Variants in GKAP1 observed in about 807,000 individuals in gnomAD.
GKAP1 encodes the protein G kinase-anchoring protein 1.
Under a neutral mutation model 56.7 loss-of-function variants are expected in GKAP1, and 31 were observed. The observed-to-expected ratio is 0.55, with a 90% CI of 0.41 to 0.74. The LOEUF (loss-of-function observed/expected upper bound fraction) is 0.74. Ranked by LOEUF, GKAP1 falls within the 30% of genes least tolerant of loss-of-function variation. The pLI is 0.00. For missense variants in GKAP1, 364 were observed against 402.3 expected (o/e 0.90, Z 0.82); for synonymous variants, 151 against 138.6 (o/e 1.09, Z -0.63).
intron 2 of GKAP1, among the ~76,000 whole-genome samples, chr9:83,814,243 C>T (rs1944552121): frequency 6.6e-6 from 1 of 152,192 alleles, no homozygotes; most frequent in South Asian, 2.1e-4. Flanking sequence ...TAGCAACCCT[C>T]TTTCTTCAGA....
intron 4 of GKAP1, among the ~76,000 whole-genome samples, chr9:83,796,369 C>T (rs376515250): frequency 1.3e-5 from 2 of 152,344 alleles, no homozygotes; most frequent in East Asian, 1.9e-4. Context: ...TTTTCCTTCA[C>T]AGAATTGGCT....
intron 4 of GKAP1, chr9:83,792,929 C>T (rs1564208228): frequency 1.0e-6 from 1 of 999,664 alleles, no homozygotes; most frequent in Non-Finnish European, 1.3e-6. Flanking sequence ...AAAATGCCTA[C>T]AGAATTCAAG....
At chr9:83,742,096 T>C in intron 11 of GKAP1, 67 bp from the exon 12 acceptor site, 2 of 908,338 alleles carry the variant, frequency 2.2e-6, no homozygotes, top group Non-Finnish European at 1.7e-6. Context: ...ATTCTTAACA[T>C]ATTCACAATG....
intron 6 of GKAP1, among the ~76,000 whole-genome samples, chr9:83,780,639 TA>T (rs1943955939): frequency 6.6e-6 from 1 of 152,190 alleles, no homozygotes; most frequent in Non-Finnish European, 1.5e-5. Flanking sequence ...CTTATCCTAG[TA>T]AATCCCACCC....
At chr9:83,783,146 T>C (rs1944005333) in intron 6 of GKAP1, among the ~76,000 whole-genome samples, 2 of 152,336 alleles carry the variant, frequency 1.3e-5, no homozygotes, top group Admixed American at 1.3e-4. Flanking sequence ...ATTTGGGTTT[T>C]TTTCTTTTTG....
chr9:83,744,449 C>G (rs533855050), intron 10 of GKAP1, among the ~76,000 whole-genome samples: 3 of 152,292 alleles, frequency 2.0e-5, no homozygotes, highest in African/African-American at 7.2e-5. Flanking sequence ...TTCCACCATG[C>G]AGCAGTAACA....
chr9:83,816,130 T>G (rs573578774), intron 2 of GKAP1, among the ~76,000 whole-genome samples: 2 of 150,830 alleles, frequency 1.3e-5, no homozygotes, highest in East Asian at 3.9e-4. Flanking sequence ...CAGAAGGTGC[T>G]GTGAGCCGAG....
At chr9:83,765,842 G>C (rs972827660) in intron 8 of GKAP1, among the ~76,000 whole-genome samples, 1 of 152,190 alleles carries the variant, frequency 6.6e-6, no homozygotes, top group Admixed American at 6.5e-5. Flanking sequence ...TGACTTTATA[G>C]GCTCAGAGGC....
intron 8 of GKAP1, among the ~76,000 whole-genome samples, chr9:83,765,410 G>A (rs1039766521): frequency 1.3e-5 from 2 of 152,208 alleles, no homozygotes; most frequent in Non-Finnish European, 2.9e-5. Flanking sequence ...GAAATGTGGG[G>A]TCAAGAGCCC....
intron 8 of GKAP1, among the ~76,000 whole-genome samples, chr9:83,755,550 T>C (rs1337422495): frequency 2.6e-5 from 4 of 152,052 alleles, no homozygotes; most frequent in Admixed American, 6.6e-5. Flanking sequence ...TTTAGAAATC[T>C]TGATGAATAT....
chr9:83,753,240 C>T lies in GKAP1; in HGVS notation c.840+18G>A. Reference sequence around the variant, plus strand: ...TTTATAGAATTATTTTCTTTAACAACAGTAAATGGACACAAACCTCCCATT... The same window carrying T: ...TTTATAGAATTATTTTCTTTAACAATAGTAAATGGACACAAACCTCCCATT... On this transcript the variant is annotated intron_variant, in intron 9 of 12. Coordinates refer to ENST00000376371, the MANE Select transcript of GKAP1 (RefSeq NM_025211.4). 7.1e-7 allele frequency: 1 copy of T among 1,404,294 alleles called. No homozygotes were observed. Among genetic ancestry groups the T allele is most frequent in the Admixed American group, 1.9e-5 (1 of 52,958 alleles). 87.0% of individuals were successfully genotyped at this position (1,404,294 alleles called of 1,614,324 possible). A position where few individuals can be genotyped will look rare whatever the true frequency, so the allele number is the denominator to read the frequency against.
intron 2 of GKAP1, among the ~76,000 whole-genome samples, chr9:83,812,412 A>G (rs997053921): frequency 1.3e-5 from 2 of 150,234 alleles, no homozygotes; most frequent in African/African-American, 4.9e-5. Context: ...CAGTGGTGTG[A>G]TCACGGCTCA....
In GKAP1 at chr9:83,739,595, A is replaced by T. The variant is rs537174819; in HGVS notation, c.*102T>A. ...GAGCTAGTTGCTTTTAGTTCCTTCAAGAAAAACTGCATAGTTTAGCAGTTG... is the reference window on the plus strand; with the variant it reads ...GAGCTAGTTGCTTTTAGTTCCTTCATGAAAAACTGCATAGTTTAGCAGTTG... On this transcript the variant is annotated 3_prime_UTR_variant, in exon 13 of 13. Coordinates refer to ENST00000376371, the MANE Select transcript of GKAP1 (RefSeq NM_025211.4). 7 of 836,226 alleles carry T rather than the reference A, an allele frequency of 8.4e-6. No individual in the cohort carries two copies. The East Asian group carries it at 1.8e-4, about 21-fold the overall frequency. 51.8% of individuals were successfully genotyped at this position (836,226 alleles called of 1,614,324 possible). A position where few individuals can be genotyped will look rare whatever the true frequency, so the allele number is the denominator to read the frequency against.
At chr9:83,759,888 T>A (rs749543984) in intron 8 of GKAP1, among the ~76,000 whole-genome samples, 23 of 152,192 alleles carry the variant, frequency 1.5e-4, no homozygotes, top group Non-Finnish European at 2.9e-4. Flanking sequence ...CAAAAAGTCT[T>A]TAACGTCTGC....
At chr9:83,790,478 C>T (rs967176123) in intron 4 of GKAP1, among the ~76,000 whole-genome samples, 3 of 152,034 alleles carry the variant, frequency 2.0e-5, no homozygotes, top group Non-Finnish European at 2.9e-5. Context: ...AGTAATCATC[C>T]TAACAGAAAA....
intron 3 of GKAP1, among the ~76,000 whole-genome samples, chr9:83,801,471 T>G (rs1272709130): frequency 6.6e-6 from 1 of 152,142 alleles, no homozygotes; most frequent in African/African-American, 2.4e-5. Context: ...TTTTAACTGT[T>G]AATATTAGGT....
chr9:83,781,442 T>G (rs1943970218), intron 6 of GKAP1, among the ~76,000 whole-genome samples: 1 of 152,258 alleles, frequency 6.6e-6, no homozygotes, highest in Admixed American at 6.5e-5. Flanking sequence ...ATGCTTCTTG[T>G]GTACAGCAGA....
At chr9:83,748,022 T>C (rs1392051418) in intron 10 of GKAP1, among the ~76,000 whole-genome samples, 1 of 152,154 alleles carries the variant, frequency 6.6e-6, no homozygotes, top group Non-Finnish European at 1.5e-5. Context: ...AATAATCATA[T>C]ATATTTATGA....
chr9:83,766,779 CTA>C (rs1374977566), intron 8 of GKAP1, among the ~76,000 whole-genome samples: 1 of 152,188 alleles, frequency 6.6e-6, no homozygotes, highest in Non-Finnish European at 1.5e-5. Flanking sequence ...AGAAATGAGA[CTA>C]TGGCAAAAGT....
Sources: gnomAD v4.1 joint callset for allele counts (sites outside exome capture counted in the v4.1 genomes callset) on GRCh38, gnomAD v4.1.1 for gene constraint, MANE v1.5 for transcripts, NCBI Gene and HGNC (gene_info 2026-07-23, HGNC 2026-07-21) for gene names.